The following CSNK2A2IP variants were observed in gnomAD, a reference collection of about 807,000 sequenced individuals.
The protein encoded by CSNK2A2IP is casein kinase II subunit alpha'-interacting protein.
At chr3:88,340,611 C>T in the CSNK2A2IP span, among the ~76,000 whole-genome samples, 4 of 151,892 alleles carry the variant, frequency 2.6e-5, no homozygotes, top group Non-Finnish European at 5.9e-5. Flanking sequence ...TTCTTAACCT[C>T]TTATAAACTT....
chr3:88,403,428 T>C, the CSNK2A2IP span, among the ~76,000 whole-genome samples: 1 of 152,144 alleles, frequency 6.6e-6, no homozygotes, highest in Non-Finnish European at 1.5e-5. Flanking sequence ...GACCAGCTTG[T>C]CATTAGAGAA....
At chr3:88,360,291 G>A in the CSNK2A2IP span, among the ~76,000 whole-genome samples, 4 of 151,756 alleles carry the variant, frequency 2.6e-5, no homozygotes, top group South Asian at 4.2e-4. Context: ...CCACCACAAC[G>A]CCCGGCTATT....
At chr3:88,443,607 T>A in the CSNK2A2IP span, among the ~76,000 whole-genome samples, 1 of 152,286 alleles carries the variant, frequency 6.6e-6, no homozygotes, top group East Asian at 1.9e-4. Context: ...TGGCCTTTTA[T>A]GTCCAGAGGG....
At chr3:88,428,183 T>G in the CSNK2A2IP span, among the ~76,000 whole-genome samples, 1 of 152,200 alleles carries the variant, frequency 6.6e-6, no homozygotes, top group Non-Finnish European at 1.5e-5. Context: ...TAAACTTGCA[T>G]GGGTCCTATA....
At chr3:88,403,928 G>A in the CSNK2A2IP span, among the ~76,000 whole-genome samples, 2 of 152,026 alleles carry the variant, frequency 1.3e-5, no homozygotes, top group Admixed American at 6.6e-5. Context: ...TGACACAAGG[G>A]CTGAGACATA....
chr3:88,436,231 G>A, the CSNK2A2IP span, among the ~76,000 whole-genome samples: 2 of 151,998 alleles, frequency 1.3e-5, no homozygotes, highest in African/African-American at 4.8e-5. Context: ...TGAATTTTAA[G>A]TGGTAACATA....
At chr3:88,435,679 T>C in the CSNK2A2IP span, among the ~76,000 whole-genome samples, 1 of 152,150 alleles carries the variant, frequency 6.6e-6, no homozygotes, top group African/African-American at 2.4e-5. Context: ...AACATTCTAA[T>C]GGCACGTAGA....
At chr3:88,465,527 C>T in the CSNK2A2IP span, 4 of 1,231,574 alleles carry the variant, frequency 3.2e-6, no homozygotes, top group Non-Finnish European at 4.0e-6. Flanking sequence ...GCAGTACCTC[C>T]ACTGGGCTCC....
At chr3:88,465,772 T>G in the CSNK2A2IP span, 1 of 1,231,632 alleles carries the variant, frequency 8.1e-7, no homozygotes, top group Non-Finnish European at 1.0e-6. Context: ...CAACATGACA[T>G]CATCACTGGA....
At chr3:88,380,993 CCAGT>C in the CSNK2A2IP span, among the ~76,000 whole-genome samples, 3 of 152,080 alleles carry the variant, frequency 2.0e-5, no homozygotes, top group Non-Finnish European at 2.9e-5. Context: ...AAACAGGGTG[CCAGT>C]CAAATTGGAG....
At chr3:88,464,507 T>C in the CSNK2A2IP span, among the ~76,000 whole-genome samples, 1 of 151,798 alleles carries the variant, frequency 6.6e-6, no homozygotes. Context: ...GGGTAGAGAA[T>C]CAGTGTGTGG....
At chr3:88,410,052 C>A in the CSNK2A2IP span, among the ~76,000 whole-genome samples, 1 of 151,982 alleles carries the variant, frequency 6.6e-6, no homozygotes, top group Non-Finnish European at 1.5e-5. Context: ...TGGACTAAAT[C>A]AATACATCAG....
the CSNK2A2IP span, among the ~76,000 whole-genome samples, chr3:88,432,132 A>G: frequency 6.6e-6 from 1 of 151,886 alleles, no homozygotes; most frequent in Non-Finnish European, 1.5e-5. Context: ...TTACTATGTA[A>G]TTTTTGTAGA....
chr3:88,446,026 TTTCTTTTCTTTCTTTCTTTCTTTCTTTC>T, the CSNK2A2IP span, among the ~76,000 whole-genome samples: 1,620 of 113,438 alleles, frequency 0.014, 42 homozygotes, highest in South Asian at 0.028. Context: ...TCTTTCTTTG[TTTCTTTTCTTTCTTTCTTTCTTTCTTTC>T]TTTCTTTCTT....
the CSNK2A2IP span, among the ~76,000 whole-genome samples, chr3:88,357,213 G>T: frequency 6.6e-6 from 1 of 151,962 alleles, no homozygotes; most frequent in South Asian, 2.1e-4. Flanking sequence ...TTTCTCCAAT[G>T]TTTTCTTCTA....
the CSNK2A2IP span, among the ~76,000 whole-genome samples, chr3:88,358,703 G>T: frequency 6.6e-6 from 1 of 152,112 alleles, no homozygotes; most frequent in African/African-American, 2.4e-5. Flanking sequence ...TGATGATAAT[G>T]AATCTTTTTA....
At chr3:88,407,565 C>T in the CSNK2A2IP span, among the ~76,000 whole-genome samples, 1 of 152,058 alleles carries the variant, frequency 6.6e-6, no homozygotes, top group African/African-American at 2.4e-5. Flanking sequence ...CATGCCTACC[C>T]TCCAGGCAAG....
chr3:88,462,458 G>A, the CSNK2A2IP span, among the ~76,000 whole-genome samples: 1 of 152,186 alleles, frequency 6.6e-6, no homozygotes, highest in African/African-American at 2.4e-5. Flanking sequence ...CAGCTGTGGT[G>A]TCTCACCAGT....
chr3:88,371,928 G>C, the CSNK2A2IP span, among the ~76,000 whole-genome samples: 1 of 151,520 alleles, frequency 6.6e-6, no homozygotes, highest in Non-Finnish European at 1.5e-5. Context: ...GAACAACAAT[G>C]ACAAAAAGAT....
Sources: gnomAD v4.1 joint callset for allele counts (sites outside exome capture counted in the v4.1 genomes callset) on GRCh38, gnomAD v4.1.1 for gene constraint, MANE v1.5 for transcripts, NCBI Gene and HGNC (gene_info 2026-07-23, HGNC 2026-07-21) for gene names.